Variants in PELO observed in about 807,000 individuals in gnomAD.
PELO encodes the protein protein pelota homolog.
PELO carries 19 observed loss-of-function variants against 25.9 expected under a neutral mutation model. The ratio of observed to expected loss-of-function variants is 0.73; its 90% CI spans 0.51 to 1.08. PELO has a LOEUF of 1.08. Ranked by LOEUF, PELO falls within the 50% of genes least tolerant of loss-of-function variation. PELO has a pLI of 0.00. For synonymous variants in PELO, 196 were observed against 192.2 expected, an observed-to-expected ratio of 1.02 and a Z score of -0.16; for missense variants, 498 against 491.4, an observed-to-expected ratio of 1.01 and a Z score of -0.13.
In PELO at chr5:52,800,933, G is replaced by A. The variant is rs1185981512; in HGVS notation, c.539G>A (p.Arg180Gln). ...AAAGGCAATTGCTCTCAGCATGACC[G>A]GGCCTTGGAGCGGTTCTATGAACAG... ...KRKGNCSQHD[R>Q]ALERFYEQVV... Residue 180 changes from arginine to glutamine, a missense_variant, in exon 2 of 3, where the codon CGG becomes CAG. Coordinates refer to ENST00000274311, the MANE Select transcript of PELO (RefSeq NM_015946.5). 5.0e-6 allele frequency: 8 copies of A among 1,614,142 alleles called. No individual in the cohort carries two copies. The highest frequency in any genetic ancestry group is 6.8e-6 in the Non-Finnish European group (8 of 1,180,004).
In PELO at chr5:52,801,773, C is replaced by T. The variant is rs2111666351; in HGVS notation, c.1091C>T (p.Ala364Val). ...EQLSQLTGVA[A>V]ILRFPVPELS... ...CTCAGCCAGTTGACTGGGGTAGCTG[C>T]CATTCTCCGCTTCCCTGTTCCCGAA... is the stretch of plus-strand genomic sequence containing the variant. Residue 364 changes from alanine (A) to valine (V), a missense_variant, in exon 3 of 3, where the codon GCC (alanine) becomes GTC (valine). By Grantham distance (64) the Ala-to-Val change is moderately conservative (BLOSUM62 0). Coordinates refer to ENST00000274311, the MANE Select transcript of PELO (RefSeq NM_015946.5). 3 of 1,614,042 alleles carry T rather than the reference C, an allele frequency of 1.9e-6. No homozygotes were observed. The highest frequency in any genetic ancestry group is 1.6e-4 in the Middle Eastern group (1 of 6,062).
At position 52,800,076 on chromosome 5, in the gene PELO, G is replaced by A. The variant is rs1186685969; in HGVS notation, c.-319G>A. On this transcript the variant is annotated 5_prime_UTR_variant, in exon 2 of 3. Coordinates refer to ENST00000274311, the MANE Select transcript of PELO (RefSeq NM_015946.5). ...GAGACGTGCGTCGGGTCGCGGGACG[G>A]GGGCTGCGCATGCGCCTTCATTTCG... The A allele has an allele frequency of 2.0e-5, 7 of 342,050 alleles. No individual in the cohort carries two copies. The highest frequency in any genetic ancestry group is 1.6e-4 in the South Asian group (5 of 31,356). The allele number at this position is 342,050 out of a possible 1,614,324, so 21.2% of individuals were successfully genotyped here. A position where few individuals can be genotyped will look rare whatever the true frequency, so the allele number is the denominator to read the frequency against.
At position 52,800,834 on chromosome 5, in the gene PELO, C is replaced by T; in HGVS notation, c.440C>T (p.Ala147Val). 6.2e-7 allele frequency: 1 copy of T among 1,609,572 alleles called. No homozygotes were observed. The highest frequency in any genetic ancestry group is 8.5e-7 in the Non-Finnish European group (1 of 1,177,134). ...GCTGTGGTCATGCAGGAAGGCCTCG[C>T]CCATATCTGCTTAGTCACTCCCAGC... ...VAAVVMQEGL[A>V]HICLVTPSMT... Residue 147 changes from alanine to valine, a missense_variant, in exon 2 of 3, where the codon GCC becomes GTC. Transcript: ENST00000274311.
chr5:52,789,255 AG>A (rs1748192426), intron 1 of PELO, among the ~76,000 whole-genome samples: 1 of 152,094 alleles, frequency 6.6e-6, no homozygotes, highest in Admixed American at 6.5e-5. Flanking sequence ...AAATGGAAGA[AG>A]GTGGGGGGAA....
chr5:52,801,685 A>T lies in PELO; in HGVS notation c.1003A>T (p.Ser335Cys), dbSNP rs750034729. The T allele has an allele frequency of 6.2e-7, 1 of 1,614,090 alleles. No homozygotes were observed. The highest frequency in any genetic ancestry group is 1.3e-5 in the African/African-American group (1 of 74,938). The stretch of plus-strand genomic sequence containing the variant: ...GAGCCGGTATGTGAGGCTGGTGGAC[A>T]GTGTGAAAGAGAATGCAGGCACCGT... The part of the protein sequence containing the change: ...TRSRYVRLVD[S>C]VKENAGTVRI... The change falls in exon 3 of 3, where the codon AGT becomes TGT. Residue 335 changes from serine to cysteine, a missense_variant. By Grantham distance (112) the Ser-to-Cys change is moderately radical (BLOSUM62 -1). Coordinates refer to ENST00000274311, the MANE Select transcript of PELO (RefSeq NM_015946.5).
chr5:52,796,226 A>G (rs571176871), intron 1 of PELO, among the ~76,000 whole-genome samples: 2 of 151,916 alleles, frequency 1.3e-5, no homozygotes, highest in Non-Finnish European at 2.9e-5. Flanking sequence ...ACAATCCAGG[A>G]TGCTTGACTT....
intron 1 of PELO, among the ~76,000 whole-genome samples, chr5:52,792,485 C>T (rs577241850): frequency 6.6e-6 from 1 of 152,250 alleles, no homozygotes; most frequent in East Asian, 1.9e-4. Context: ...ACTAGTTTAA[C>T]TATTTCTCTT....
chr5:52,793,173 T>C (rs1748274511), intron 1 of PELO, among the ~76,000 whole-genome samples: 1 of 152,106 alleles, frequency 6.6e-6, no homozygotes, highest in Non-Finnish European at 1.5e-5. Flanking sequence ...GGTATTATAA[T>C]TAACTATCTA....
chr5:52,799,329 C>A (rs1318464652), intron 1 of PELO, among the ~76,000 whole-genome samples: 1 of 152,198 alleles, frequency 6.6e-6, no homozygotes, highest in African/African-American at 2.4e-5. Flanking sequence ...TTTTTCCCCA[C>A]TTCCCATAGC....
chr5:52,800,652 C>T lies in PELO; in HGVS notation c.258C>T (p.Thr86=), dbSNP rs141211888. 2.3e-4 allele frequency: 376 copies of T among 1,614,094 alleles called. 1 individual carries two copies. Among genetic ancestry groups the T allele is most frequent in the Middle Eastern group, 9.9e-4 (6 of 6,062 alleles). ...SQACQLRVKG[T]NIQENEYVKM... ...CCTGCCAGCTGCGGGTTAAGGGGAC[C>T]AACATCCAAGAGAATGAGTATGTCA... The change falls in exon 2 of 3, where the codon ACC becomes ACT. Residue 86 remains threonine (T), a synonymous_variant. Transcript: ENST00000274311.
rs1471657257 is a variant in PELO at position 52,800,252 on chromosome 5, G to A, written c.-143G>A. Reference sequence around the variant, plus strand: ...CCCTAGGCTGCATGAGTCGAAGCAAGCGTGTTTCCTTCCCGCCAGGCAAGT... The same window carrying A: ...CCCTAGGCTGCATGAGTCGAAGCAAACGTGTTTCCTTCCCGCCAGGCAAGT... On this transcript the variant is annotated 5_prime_UTR_variant, in exon 2 of 3. Transcript: ENST00000274311. 2 of 762,520 alleles carry A rather than the reference G, an allele frequency of 2.6e-6. No individual in the cohort carries two copies. Among genetic ancestry groups the A allele is most frequent in the Non-Finnish European group, 4.3e-6 (2 of 464,312 alleles). 47.2% of individuals were successfully genotyped at this position (762,520 alleles called of 1,614,324 possible). A position where few individuals can be genotyped will look rare whatever the true frequency, so the allele number is the denominator to read the frequency against.
intron 1 of PELO, among the ~76,000 whole-genome samples, chr5:52,792,575 A>G (rs80283230): frequency 0.065 from 9,867 of 152,226 alleles, 1,072 homozygotes; most frequent in African/African-American, 0.22. Context: ...TTCTGACTTC[A>G]GTAGATAGAT....
chr5:52,789,738 A>T (rs566494052), intron 1 of PELO, among the ~76,000 whole-genome samples: 2 of 152,260 alleles, frequency 1.3e-5, no homozygotes, highest in African/African-American at 4.8e-5. Context: ...TTTAGATTGT[A>T]TTTTGTTGTT....
chr5:52,796,582 TAC>T (rs976600780), intron 1 of PELO, among the ~76,000 whole-genome samples: 11 of 152,010 alleles, frequency 7.2e-5, no homozygotes, highest in Non-Finnish European at 1.6e-4. Flanking sequence ...TTAAGTGAAA[TAC>T]AGTCAATAAC....
intron 1 of PELO, among the ~76,000 whole-genome samples, chr5:52,792,784 C>A (rs1027402358): frequency 3.3e-5 from 5 of 152,122 alleles, no homozygotes; most frequent in Non-Finnish European, 7.4e-5. Context: ...ATAGTGTACT[C>A]AAATTCATGT....
chr5:52,800,240 G>T lies in PELO; in HGVS notation c.-155G>T. ...GAGGAAGTGCTGCCCTAGGCTGCAT[G>T]AGTCGAAGCAAGCGTGTTTCCTTCC... On this transcript the variant is annotated 5_prime_UTR_variant, in exon 2 of 3. It removes an upstream start codon present in the reference 5' UTR. Transcript: ENST00000274311. The T allele has an allele frequency of 1.5e-6, 1 of 689,612 alleles. No individual in the cohort carries two copies. Among genetic ancestry groups the T allele is most frequent in the South Asian group, 1.8e-5 (1 of 54,456 alleles). 42.7% of individuals were successfully genotyped at this position (689,612 alleles called of 1,614,324 possible). A position where few individuals can be genotyped will look rare whatever the true frequency, so the allele number is the denominator to read the frequency against.
Position 52,802,895 on chromosome 5 carries a change from TAATTATGG to T in PELO, c.*1060_*1067del, listed in dbSNP as rs1350691422. ...ACTTAAACTCTGATACTCTTTACTATAATTATGGAATTGTGCAAATACCTCTGAGTTTA... is the reference window on the plus strand; with the variant it reads ...ACTTAAACTCTGATACTCTTTACTATAATTGTGCAAATACCTCTGAGTTTA... On this transcript the variant is annotated 3_prime_UTR_variant, in exon 3 of 3. Transcript: ENST00000274311. 6.6e-6 allele frequency: 1 copy of T among 152,224 alleles called. No homozygotes were observed. Among genetic ancestry groups the T allele is most frequent in the Non-Finnish European group, 1.5e-5 (1 of 68,040 alleles). 9.4% of individuals were successfully genotyped at this position (152,224 alleles called of 1,614,324 possible).
At chr5:52,795,468 A>G (rs1307775718) in intron 1 of PELO, among the ~76,000 whole-genome samples, 1 of 151,980 alleles carries the variant, frequency 6.6e-6, no homozygotes, top group Non-Finnish European at 1.5e-5. Context: ...TCAGGAGCCC[A>G]TAATTCCATT....
intron 1 of PELO, among the ~76,000 whole-genome samples, chr5:52,796,528 A>C (rs1748346575): frequency 6.6e-6 from 1 of 152,166 alleles, no homozygotes; most frequent in South Asian, 2.1e-4. Context: ...TTGGAAAAAA[A>C]TGAAAATAAA....
Sources: allele counts gnomAD v4.1 joint callset (sites outside exome capture counted in the v4.1 genomes callset), GRCh38; gene constraint gnomAD v4.1.1; transcripts MANE v1.5; gene names NCBI Gene and HGNC (gene_info 2026-07-23, HGNC 2026-07-21).